Variants in SINHCAF observed in about 807,000 individuals in gnomAD.
The protein encoded by SINHCAF is SIN3-HDAC complex associated factor, also known as SIN3-HDAC complex-associated factor.
Under a neutral mutation model 25.8 loss-of-function variants are expected in SINHCAF, and 3 were observed. The observed-to-expected ratio is 0.12, with a 90% CI of 0.05 to 0.30. SINHCAF has a LOEUF of 0.30. SINHCAF is among the 10% of genes least tolerant of loss of function. SINHCAF has a pLI of 1.00. For missense variants in SINHCAF, 121 were observed against 262.3 expected (o/e 0.46, Z 3.72); for synonymous variants, 70 against 85.5 (o/e 0.82, Z 1.00).
intron 5 of SINHCAF, among the ~76,000 whole-genome samples, chr12:31,285,097 T>C (rs1937979484): frequency 6.6e-6 from 1 of 152,138 alleles, no homozygotes; most frequent in Non-Finnish European, 1.5e-5. Context: ...TCTTTAAATG[T>C]TATTCAACGG....
At chr12:31,314,483 G>A (rs1342107421) in intron 1 of SINHCAF, among the ~76,000 whole-genome samples, 2 of 151,968 alleles carry the variant, frequency 1.3e-5, no homozygotes, top group African/African-American at 2.4e-5. Flanking sequence ...CCGAGATCGC[G>A]CCATTGCACT....
At chr12:31,302,362 C>T (rs76161419) in intron 1 of SINHCAF, among the ~76,000 whole-genome samples, 2 of 151,280 alleles carry the variant, frequency 1.3e-5, no homozygotes, top group African/African-American at 4.9e-5. Flanking sequence ...TTTTATGGTA[C>T]GTGAAAGATC....
At chr12:31,287,496 G>T in intron 5 of SINHCAF, 138 bp downstream of exon 5, 1 of 535,916 alleles carries the variant, frequency 1.9e-6, no homozygotes. Context: ...CCACTTCCCT[G>T]CTCAATTCCT....
At chr12:31,289,182 A>G (rs1024443026) in intron 4 of SINHCAF, among the ~76,000 whole-genome samples, 17 of 152,154 alleles carry the variant, frequency 1.1e-4, no homozygotes, top group Non-Finnish European at 7.3e-5. Flanking sequence ...TCAAACATAC[A>G]TCTACATTCA....
rs1230106354 is a variant in SINHCAF, at chr12:31,281,447, C to A, written c.*1265G>T. ...TAAAACAAGTCAAACACCCATTCTA[C>A]ACAGATAAAAACCTTCACAAAGGTC... On this transcript the variant is annotated 3_prime_UTR_variant, in exon 6 of 6. Transcript: ENST00000337682. 2 of 152,232 alleles carry A rather than the reference C, an allele frequency of 1.3e-5. No individual in the cohort carries two copies. The highest frequency in any genetic ancestry group is 4.8e-5 in the African/African-American group (2 of 41,452). The allele number at this position is 152,232 out of a possible 1,614,324, so 9.4% of individuals were successfully genotyped here. A position where few individuals can be genotyped will look rare whatever the true frequency, so the allele number is the denominator to read the frequency against.
intron 1 of SINHCAF, among the ~76,000 whole-genome samples, chr12:31,306,499 G>T (rs1939031622): frequency 6.6e-6 from 1 of 151,988 alleles, no homozygotes; most frequent in South Asian, 2.1e-4. Context: ...TGCGGGAAAA[G>T]TACCCCCCCC....
chr12:31,283,584 CAG>C (rs1210121201), intron 5 of SINHCAF, among the ~76,000 whole-genome samples: 2 of 151,284 alleles, frequency 1.3e-5, no homozygotes, highest in East Asian at 3.9e-4. Flanking sequence ...GCCTGGGAGA[CAG>C]AGCAAAACTC....
rs140131227 is a variant in SINHCAF, at chr12:31,299,568, G to A, written c.-20-1344C>T. Among the ~76,000 whole-genome samples, 1,189 of 152,128 alleles carry A rather than the reference G, an allele frequency of 7.8e-3. 20 individuals are homozygous for A. The highest frequency in any genetic ancestry group is 0.027 in the African/African-American group (1,133 of 41,506). On this transcript the variant is annotated intron_variant, in intron 1 of 5. Transcript: ENST00000337682. The stretch of plus-strand genomic sequence containing the variant: ...CCTGACCTTGTGATCCACCCGTCTC[G>A]GCCTCCCAAAGTGCTGGGATTACAG...
chr12:31,313,813 T>C (rs1939380893), intron 1 of SINHCAF, among the ~76,000 whole-genome samples: 1 of 151,798 alleles, frequency 6.6e-6, no homozygotes, highest in East Asian at 1.9e-4. Flanking sequence ...CTCGCCCGGC[T>C]AATTTTTTGT....
intron 5 of SINHCAF, among the ~76,000 whole-genome samples, chr12:31,286,657 C>A (rs575733476): frequency 1.4e-5 from 2 of 142,136 alleles, no homozygotes; most frequent in African/African-American, 2.7e-5. Flanking sequence ...AGCAAAACTC[C>A]GTCTCAAAAA....
intron 3 of SINHCAF, among the ~76,000 whole-genome samples, chr12:31,294,642 T>C (rs1389691234): frequency 6.6e-6 from 1 of 152,170 alleles, no homozygotes; most frequent in Non-Finnish European, 1.5e-5. Context: ...AAGGTTGTTA[T>C]CATCTTCAAA....
Position 31,280,908 on chromosome 12 carries a change from G to A in SINHCAF, c.*1804C>T, listed in dbSNP as rs1222133044. 1 of 152,208 alleles carries A rather than the reference G, an allele frequency of 6.6e-6. No homozygotes were observed. The highest frequency in any genetic ancestry group is 1.5e-5 in the Non-Finnish European group (1 of 68,036). 9.4% of individuals were successfully genotyped at this position (152,208 alleles called of 1,614,324 possible). On this transcript the variant is annotated 3_prime_UTR_variant, in exon 6 of 6. Coordinates refer to ENST00000337682, the MANE Select transcript of SINHCAF (RefSeq NM_001135812.2). ...GGAGGATGATAATGGCTGGACTTTT[G>A]TAATTCACCTCAAAGACTGTGGGAG...
chr12:31,308,847 G>GACAGGC (rs913246450), intron 1 of SINHCAF, among the ~76,000 whole-genome samples: 8 of 152,238 alleles, frequency 5.3e-5, no homozygotes, highest in Admixed American at 3.3e-4. Context: ...TATCGTCAGG[G>GACAGGC]ACAGGCACAG....
At chr12:31,302,974 T>G in intron 1 of SINHCAF, 1 of 985,414 alleles carries the variant, frequency 1.0e-6, no homozygotes, top group Non-Finnish European at 1.2e-6. Context: ...CTTGGCTCAC[T>G]TTTCTCTTTT....
chr12:31,289,531 TG>T (rs1356727274), intron 4 of SINHCAF, among the ~76,000 whole-genome samples: 3 of 152,208 alleles, frequency 2.0e-5, no homozygotes, highest in South Asian at 4.1e-4. Context: ...TATGTGAAGA[TG>T]TCAGATAAAT....
At chr12:31,285,414 T>TACACACACACACAC (rs1258167143) in intron 5 of SINHCAF, among the ~76,000 whole-genome samples, 33 of 43,964 alleles carry the variant, frequency 7.5e-4, no homozygotes, top group South Asian at 4.6e-3. Flanking sequence ...TTTATATATA[T>TACACACACACACAC]ACATACACAC....
chr12:31,317,607 C>T (rs1425403556), intron 1 of SINHCAF, among the ~76,000 whole-genome samples: 1 of 151,856 alleles, frequency 6.6e-6, no homozygotes, highest in Non-Finnish European at 1.5e-5. Flanking sequence ...ACTTTACTAC[C>T]TCCTGCTTTT....
At chr12:31,321,281 T>G (rs1234997503) in intron 1 of SINHCAF, among the ~76,000 whole-genome samples, 2 of 152,016 alleles carry the variant, frequency 1.3e-5, no homozygotes, top group Non-Finnish European at 2.9e-5. Flanking sequence ...GAAAGAAAAA[T>G]GACATTTTCC....
At chr12:31,300,574 A>AT (rs1007784039) in intron 1 of SINHCAF, among the ~76,000 whole-genome samples, 3 of 151,908 alleles carry the variant, frequency 2.0e-5, no homozygotes, top group Admixed American at 6.6e-5. Flanking sequence ...AATGAGGCAG[A>AT]TTTTTTTTTC....
Sources: allele counts gnomAD v4.1 joint callset (sites outside exome capture counted in the v4.1 genomes callset), GRCh38; gene constraint gnomAD v4.1.1; transcripts MANE v1.5; gene names NCBI Gene and HGNC (gene_info 2026-07-23, HGNC 2026-07-21).